The following PTPRK variants were observed in gnomAD, a reference collection of about 807,000 sequenced individuals.
PTPRK encodes the protein receptor-type tyrosine-protein phosphatase kappa.
PTPRK carries 75 observed loss-of-function variants against 178.0 expected under a neutral mutation model. The observed-to-expected ratio is 0.42, with a 90% CI of 0.35 to 0.51. The LOEUF (loss-of-function observed/expected upper bound fraction) is 0.51, where lower values mean the gene tolerates loss of function less well. Ranked by LOEUF, PTPRK falls within the 20% of genes least tolerant of loss-of-function variation. The probability of loss-of-function intolerance (pLI) is 0.02; values close to 1 mark genes in which losing one functional copy is unlikely to be tolerated. For synonymous variants in PTPRK, 637 were observed against 620.6 expected (o/e 1.03, Z -0.39); for missense variants, 1,441 against 1,797.8 (o/e 0.80, Z 3.59).
intron 5 of PTPRK, among the ~76,000 whole-genome samples, chr6:128,239,269 A>C (rs1813936587): frequency 6.6e-6 from 1 of 152,176 alleles, no homozygotes; most frequent in African/African-American, 2.4e-5. Flanking sequence ...CTTACACATC[A>C]TCTAGCTTCA....
rs1019650153 is a variant in PTPRK at position 128,021,507 on chromosome 6, G to A, written c.2195-12239C>T. Among the ~76,000 whole-genome samples, 7 of 152,182 alleles carry A rather than the reference G, an allele frequency of 4.6e-5. No individual in the cohort carries two copies. In the East Asian group the frequency reaches 1.4e-3, roughly 29 times the overall value. On this transcript the variant is annotated intron_variant, in intron 13 of 29. Transcript: ENST00000368226. ...AAAAATTAGCCGGGCGTGGTGGTGG[G>A]CGCCTGTAGTCCCAGCTACTCGGGA...
rs138849848 is a variant in PTPRK, at chr6:128,374,966, A to G, written c.223+22600T>C. Among the ~76,000 whole-genome samples the G allele has an allele frequency of 6.6e-4, 101 of 151,944 alleles. 1 individual carries two copies. The highest frequency in any genetic ancestry group is 2.1e-3 in the African/African-American group (87 of 41,464). On this transcript the variant is annotated intron_variant, in intron 2 of 29. Coordinates refer to ENST00000368226, the MANE Select transcript of PTPRK (RefSeq NM_002844.4). The stretch of plus-strand genomic sequence containing the variant: ...AAGGACTTTCCACTTGCTGATCCCT[A>G]TGCCTGGAATGCTTTTCCCCTAGAT...
At chr6:128,003,053 C>T in intron 15 of PTPRK, 1 of 713,672 alleles carries the variant, frequency 1.4e-6, no homozygotes, top group Non-Finnish European at 2.4e-6. Context: ...GGGTTGAACA[C>T]AGTTGCTCTC....
chr6:128,135,072 A>G (rs1224722994), intron 7 of PTPRK, among the ~76,000 whole-genome samples: 1 of 144,600 alleles, frequency 6.9e-6, no homozygotes, highest in Non-Finnish European at 1.5e-5. Flanking sequence ...AAAATTAATC[A>G]TTCAATCACA....
intron 7 of PTPRK, among the ~76,000 whole-genome samples, chr6:128,097,961 T>C (rs1329928041): frequency 1.3e-5 from 2 of 152,198 alleles, no homozygotes; most frequent in Admixed American, 6.5e-5. Context: ...AAGGTGACTT[T>C]AGAGGAGCTG....
At chr6:128,462,241 T>A (rs1299660515) in intron 1 of PTPRK, among the ~76,000 whole-genome samples, 2 of 152,190 alleles carry the variant, frequency 1.3e-5, no homozygotes, top group Non-Finnish European at 2.9e-5. Flanking sequence ...TAAAAGACTC[T>A]AGAGCAGCAT....
chr6:128,184,893 AC>A (rs1232362078), intron 6 of PTPRK, among the ~76,000 whole-genome samples, 168 bp from the exon 7 acceptor site: 2 of 152,206 alleles, frequency 1.3e-5, no homozygotes, highest in African/African-American at 4.8e-5. Context: ...CTTTTAAAGA[AC>A]ATATAATTTT....
At chr6:128,353,589 A>G (rs952681611) in intron 2 of PTPRK, among the ~76,000 whole-genome samples, 1 of 152,234 alleles carries the variant, frequency 6.6e-6, no homozygotes, top group Non-Finnish European at 1.5e-5. Flanking sequence ...GAAAAAACTG[A>G]ACCCAAAAGG....
intron 1 of PTPRK, among the ~76,000 whole-genome samples, chr6:128,464,797 T>C (rs1849640345): frequency 6.7e-6 from 1 of 149,942 alleles, no homozygotes; most frequent in Non-Finnish European, 1.5e-5. Flanking sequence ...AATGTTATTT[T>C]TTTTTAATTT....
chr6:128,461,231 C>CGTGT (rs144928884), intron 1 of PTPRK, among the ~76,000 whole-genome samples: 4,173 of 147,050 alleles, frequency 0.028, 57 homozygotes, highest in Admixed American at 0.046. Context: ...TTTGTTATTC[C>CGTGT]GTGTGTGTGT....
At chr6:128,210,449 T>C (rs1807916483) in intron 6 of PTPRK, among the ~76,000 whole-genome samples, 1 of 41,578 alleles carries the variant, frequency 2.4e-5, no homozygotes, top group African/African-American at 9.6e-5. Flanking sequence ...TTAGGTATTT[T>C]TGGGGAGGGG....
intron 7 of PTPRK, among the ~76,000 whole-genome samples, chr6:128,163,526 G>C (rs942522398): frequency 5.3e-5 from 8 of 151,274 alleles, no homozygotes. Flanking sequence ...ATCACATTTG[G>C]AATAGAATAA....
At chr6:128,074,316 T>G (rs2114969178) in intron 11 of PTPRK, among the ~76,000 whole-genome samples, 1 of 152,184 alleles carries the variant, frequency 6.6e-6, no homozygotes, top group East Asian at 1.9e-4. Flanking sequence ...ATAAACAGTC[T>G]CACCACAGAG....
chr6:127,995,530 A>T lies in PTPRK; in HGVS notation c.2776T>A (p.Ser926Thr). The change falls in exon 18 of 30, where the codon TCC becomes ACC. Residue 926 changes from serine (S) to threonine (T), a missense_variant. Ser to Thr is a moderately conservative substitution (Grantham distance 58). Around this residue, in one of 4 missense-constraint regions of PTPRK, gnomAD observed 945 missense variants for 1,080.6 expected, o/e 0.87. Coordinates refer to ENST00000368226, the MANE Select transcript of PTPRK (RefSeq NM_002844.4). The part of the protein sequence containing the change: ...RYGNIIAYDH[S>T]RVILQPVEDD... ...TCTACGGGTTGCAAAATCACTCTGG[A>T]GTGATCATCTAAAATTTTAAAATAA... The T allele has an allele frequency of 6.3e-7, 1 of 1,574,908 alleles. No individual in the cohort carries two copies. The highest frequency in any genetic ancestry group is 8.6e-7 in the Non-Finnish European group (1 of 1,159,484).
intron 5 of PTPRK, among the ~76,000 whole-genome samples, chr6:128,231,770 T>C (rs1812337130): frequency 6.6e-6 from 1 of 152,174 alleles, no homozygotes; most frequent in Non-Finnish European, 1.5e-5. Context: ...AATAGACAAA[T>C]GCGCTCCAAA....
At chr6:128,238,336 C>A (rs1813736267) in intron 5 of PTPRK, among the ~76,000 whole-genome samples, 1 of 149,920 alleles carries the variant, frequency 6.7e-6, no homozygotes, top group Non-Finnish European at 1.5e-5. Context: ...GGACTATCTA[C>A]AAAATAGAAA....
intron 1 of PTPRK, among the ~76,000 whole-genome samples, chr6:128,415,399 G>C (rs1842735516): frequency 6.6e-6 from 1 of 151,630 alleles, no homozygotes. Flanking sequence ...AATTAAGAAT[G>C]CTTTTTCTTT....
At chr6:128,457,937 G>GC (rs1464918757) in intron 1 of PTPRK, among the ~76,000 whole-genome samples, 1 of 151,972 alleles carries the variant, frequency 6.6e-6, no homozygotes, top group Non-Finnish European at 1.5e-5. Flanking sequence ...GGCTAATTAC[G>GC]CCATCTGTTT....
In PTPRK at chr6:128,318,550, C is replaced by A. The variant is rs114268424; in HGVS notation, c.495+3489G>T. ...TATCACATTCCAATTTCTGGACAAACCCCTGTAGTTTTCATCACACATCAT... is the reference window on the plus strand; with the variant it reads ...TATCACATTCCAATTTCTGGACAAAACCCTGTAGTTTTCATCACACATCAT... On this transcript the variant is annotated intron_variant, in intron 3 of 29. Transcript: ENST00000368226. Among the ~76,000 whole-genome samples, 1,475 of 152,206 alleles carry A rather than the reference C, an allele frequency of 9.7e-3. 19 individuals carry two copies. Among genetic ancestry groups the A allele is most frequent in the African/African-American group, 0.034 (1,407 of 41,526 alleles).
Sources: gnomAD v4.1 joint callset for allele counts (sites outside exome capture counted in the v4.1 genomes callset) on GRCh38, gnomAD v4.1.1 for gene constraint, gnomAD v4.1.1 regional missense constraint, MANE v1.5 for transcripts, NCBI Gene and HGNC (gene_info 2026-07-23, HGNC 2026-07-21) for gene names.